Variants in COL25A1 observed in about 807,000 individuals in gnomAD.
COL25A1 encodes the protein collagen alpha-1(XXV) chain.
In COL25A1, 103 loss-of-function variants were observed where a neutral mutation model predicts 128.4. The observed-to-expected ratio is 0.80, with a 90% CI of 0.68 to 0.94. COL25A1 has a LOEUF of 0.94. COL25A1 is among the 40% of genes least tolerant of loss of function. COL25A1 has a pLI of 0.00. For missense variants in COL25A1, 745 were observed against 840.0 expected (o/e 0.89, Z 1.40); for synonymous variants, 279 against 277.2 (o/e 1.01, Z -0.06).
At chr4:109,131,281 G>A (rs12642694) in intron 3 of COL25A1, among the ~76,000 whole-genome samples, 3 of 151,786 alleles carry the variant, frequency 2.0e-5, no homozygotes, top group Non-Finnish European at 4.4e-5. Flanking sequence ...TTAATTTTAC[G>A]GATTTCTTTT....
intron 5 of COL25A1, among the ~76,000 whole-genome samples, chr4:109,024,522 G>C (rs1381296096): frequency 6.6e-6 from 1 of 152,014 alleles, no homozygotes; most frequent in Non-Finnish European, 1.5e-5. Context: ...TGAAGAGGGA[G>C]AGAGGAAGAA....
intron 3 of COL25A1, among the ~76,000 whole-genome samples, chr4:109,172,028 G>A (rs139076539): frequency 9.2e-5 from 14 of 152,228 alleles, no homozygotes; most frequent in South Asian, 2.1e-4. Context: ...TGATACAATC[G>A]TTCCAGGCAT....
At chr4:109,136,380 A>G (rs925753834) in intron 3 of COL25A1, among the ~76,000 whole-genome samples, 7 of 152,152 alleles carry the variant, frequency 4.6e-5, no homozygotes, top group African/African-American at 1.4e-4. Flanking sequence ...TGCTGGGCAA[A>G]AAGAGCAAAA....
At chr4:109,274,846 C>A (rs1475201581) in intron 3 of COL25A1, among the ~76,000 whole-genome samples, 1 of 152,110 alleles carries the variant, frequency 6.6e-6, no homozygotes, top group African/African-American at 2.4e-5. Flanking sequence ...CACTGTGAAT[C>A]TTCTTATATA....
intron 3 of COL25A1, among the ~76,000 whole-genome samples, chr4:109,218,356 G>GTTTTTTTTTTTTTTTTT (rs796441649): frequency 8.0e-5 from 8 of 100,476 alleles, no homozygotes; most frequent in African/African-American, 3.3e-4. Context: ...GGTTTTTTGG[G>GTTTTTTTTTTTTTTTTT]GTTTTTTTTT....
intron 3 of COL25A1, among the ~76,000 whole-genome samples, chr4:109,096,026 C>T (rs11736110): frequency 0.08 from 12,232 of 152,174 alleles, 847 homozygotes; most frequent in Admixed American, 0.24. Flanking sequence ...GTGGAGCGAA[C>T]GTGTCTGGAA....
chr4:109,158,613 A>T lies in COL25A1; in HGVS notation c.368-108434T>A, dbSNP rs556547220. Among the ~76,000 whole-genome samples the T allele has an allele frequency of 5.9e-5, 9 of 152,354 alleles. No homozygotes were observed. In the East Asian group the frequency reaches 1.5e-3, roughly 26 times the overall value. On this transcript the variant is annotated intron_variant, in intron 3 of 37. Coordinates refer to ENST00000399132, the MANE Select transcript of COL25A1 (RefSeq NM_198721.4). The stretch of plus-strand genomic sequence containing the variant: ...CGTGGCCCTGCCCTCAAGACTATCC[A>T]TAAAGGGGACAGAGATCATGGACAA...
At chr4:109,288,962 T>TATATATAC (rs1021982305) in intron 3 of COL25A1, among the ~76,000 whole-genome samples, 39 of 133,532 alleles carry the variant, frequency 2.9e-4, no homozygotes, top group African/African-American at 1.0e-3. Flanking sequence ...AAATTATATA[T>TATATATAC]ACACACACAC....
At chr4:109,187,878 C>G (rs1188651261) in intron 3 of COL25A1, among the ~76,000 whole-genome samples, 1 of 151,918 alleles carries the variant, frequency 6.6e-6, no homozygotes, top group Non-Finnish European at 1.5e-5. Flanking sequence ...AAATAAAAAC[C>G]CTTTCCTCAT....
In COL25A1 at chr4:109,239,217, TAAAC is replaced by T. The variant is rs1243858522; in HGVS notation, c.367+61362_367+61365del. 4.6e-5 allele frequency among the ~76,000 whole-genome samples: 7 copies of T among 151,554 alleles called. No individual in the cohort carries two copies. The Admixed American group carries it at 4.6e-4, about 10-fold the overall frequency. ...TTGTGCAAACATCATAGAGTGTACT[TAAAC>T]AAACCTAGATGGTATAGCCTACTAT... On this transcript the variant is annotated intron_variant, in intron 3 of 37. Coordinates refer to ENST00000399132, the MANE Select transcript of COL25A1 (RefSeq NM_198721.4).
chr4:109,224,730 G>A (rs866756198), intron 3 of COL25A1, among the ~76,000 whole-genome samples: 40 of 152,180 alleles, frequency 2.6e-4, no homozygotes, highest in Middle Eastern at 3.4e-3. Flanking sequence ...AACTGAGGTC[G>A]AGAGTTAGAG....
intron 19 of COL25A1, among the ~76,000 whole-genome samples, chr4:108,880,786 T>C (rs553917566): frequency 3.3e-5 from 5 of 152,178 alleles, no homozygotes; most frequent in African/African-American, 4.8e-5. Flanking sequence ...TGCTTACTGC[T>C]AGGGCAACAT....
intron 8 of COL25A1, among the ~76,000 whole-genome samples, chr4:108,952,717 A>G (rs1578873095): frequency 6.6e-6 from 1 of 152,010 alleles, no homozygotes; most frequent in Non-Finnish European, 1.5e-5. Flanking sequence ...GAAACAGTCT[A>G]CATCTGGGAG....
intron 3 of COL25A1, among the ~76,000 whole-genome samples, chr4:109,184,833 G>A (rs1478773103): frequency 6.6e-6 from 1 of 152,108 alleles, no homozygotes; most frequent in Non-Finnish European, 1.5e-5. Flanking sequence ...TCAGAGATGA[G>A]GAACTCACCA....
chr4:109,050,680 A>G (rs1228085789), intron 3 of COL25A1, among the ~76,000 whole-genome samples: 2 of 152,106 alleles, frequency 1.3e-5, no homozygotes, highest in African/African-American at 2.4e-5. Flanking sequence ...ATCCTTACAA[A>G]TATTTATATT....
At chr4:108,819,655 G>A (rs780814269) in intron 35 of COL25A1, among the ~76,000 whole-genome samples, 22 of 152,136 alleles carry the variant, frequency 1.4e-4, no homozygotes, top group Admixed American at 9.8e-4. Flanking sequence ...GATGTGGAAC[G>A]TATCAGGATA....
chr4:108,949,555 A>T lies in COL25A1; in HGVS notation c.493-8118T>A, dbSNP rs58423898. Among the ~76,000 whole-genome samples the T allele has an allele frequency of 7.6e-3, 1,144 of 149,926 alleles. 12 individuals are homozygous for T. Among genetic ancestry groups the T allele is most frequent in the African/African-American group, 0.026 (1,075 of 40,696 alleles). ...AATTTTTCTTTTTTTTTTTTTTGAG[A>T]CTGAGTCTCACTCTGTCACCCAGAC... is the stretch of plus-strand genomic sequence containing the variant. On this transcript the variant is annotated intron_variant, in intron 8 of 37. Coordinates refer to ENST00000399132, the MANE Select transcript of COL25A1 (RefSeq NM_198721.4).
chr4:108,961,524 A>C (rs1236290190), intron 8 of COL25A1, among the ~76,000 whole-genome samples: 1 of 147,654 alleles, frequency 6.8e-6, no homozygotes, highest in East Asian at 1.9e-4. Context: ...GCATATGATG[A>C]CAGCATATGC....
At chr4:108,868,055 A>G (rs1738155913) in intron 20 of COL25A1, among the ~76,000 whole-genome samples, 1 of 152,170 alleles carries the variant, frequency 6.6e-6, no homozygotes, top group Non-Finnish European at 1.5e-5. Flanking sequence ...TGACATCAGT[A>G]CTTGCCTTTG....
Sources: allele counts gnomAD v4.1 joint callset (sites outside exome capture counted in the v4.1 genomes callset), GRCh38; gene constraint gnomAD v4.1.1; transcripts MANE v1.5; gene names NCBI Gene and HGNC (gene_info 2026-07-23, HGNC 2026-07-21).